SYT17: variants seen among roughly 807,000 people sequenced by gnomAD.
SYT17 encodes synaptotagmin 17.
A neutral mutation model predicts 46.7 loss-of-function variants in SYT17; 22 were observed. The observed-to-expected ratio is 0.47, with a 90% CI of 0.34 to 0.67. The LOEUF is 0.67. Ranked by LOEUF, SYT17 falls within the 30% of genes least tolerant of loss-of-function variation. SYT17 has a pLI of 0.01. For synonymous variants in SYT17, 251 were observed against 248.4 expected (o/e 1.01, Z -0.10); for missense variants, 519 against 612.8 (o/e 0.85, Z 1.62).
rs546667738 is a variant in SYT17, at chr16:19,254,037, A to G, written c.1229-12843A>G. On this transcript the variant is annotated intron_variant, in intron 7 of 7. Coordinates refer to ENST00000355377, the MANE Select transcript of SYT17 (RefSeq NM_016524.4). ...AACCACCGCACCCAGTCCTCTTTCA[A>G]TTCTTTATTTGTTCTTTTCAGGGAA... Among the ~76,000 whole-genome samples, 3 of 152,214 alleles carry G rather than the reference A, an allele frequency of 2.0e-5. No homozygotes were observed. The East Asian group carries it at 5.8e-4, about 29-fold the overall frequency.
intron 5 of SYT17, among the ~76,000 whole-genome samples, chr16:19,184,687 A>G (rs149111028): frequency 2.0e-5 from 3 of 152,094 alleles, no homozygotes; most frequent in Admixed American, 1.3e-4. Flanking sequence ...GTGAAAATTT[A>G]TCACATGTAT....
chr16:19,239,945 C>T lies in SYT17; in HGVS notation c.1228+15107C>T, dbSNP rs542398585. Among the ~76,000 whole-genome samples, 41 of 152,326 alleles carry T rather than the reference C, an allele frequency of 2.7e-4. No homozygotes were observed. The South Asian group carries it at 5.8e-3, about 22-fold the overall frequency. On this transcript the variant is annotated intron_variant, in intron 7 of 7. Coordinates refer to ENST00000355377, the MANE Select transcript of SYT17 (RefSeq NM_016524.4). Reference sequence around the variant, plus strand: ...CAGTTCCAGGTGCCAGCATGGGTGCCGGCTCACTGCGAGGCTGCGGCTGGA... The same window carrying T: ...CAGTTCCAGGTGCCAGCATGGGTGCTGGCTCACTGCGAGGCTGCGGCTGGA...
intron 7 of SYT17, among the ~76,000 whole-genome samples, chr16:19,249,274 A>AG (rs1474421144): frequency 4.9e-5 from 7 of 143,982 alleles, no homozygotes; most frequent in Admixed American, 2.1e-4. Flanking sequence ...ACGCCGTCTC[A>AG]AAAATAAATA....
In SYT17 at chr16:19,180,413, A is replaced by C. The variant is rs778481327; in HGVS notation, c.205A>C (p.Lys69Gln). ...TAGGATGGCCAGCCGGAGCAGTGAC[A>C]AGGATGGTGACTCTGTCCACACGGC... Reference protein sequence around the residue: ...PWLMASRSSDKDGDSVHTASE... With the variant: ...PWLMASRSSDQDGDSVHTASE... Residue 69 changes from lysine (K) to glutamine (Q), a missense_variant, in exon 4 of 8, where the codon AAG becomes CAG. Physicochemically the swap from Lys to Gln is moderately conservative, Grantham distance 53. Coordinates refer to ENST00000355377, the MANE Select transcript of SYT17 (RefSeq NM_016524.4). 3 of 1,614,132 alleles carry C rather than the reference A, an allele frequency of 1.9e-6. No homozygotes were observed. The highest frequency in any genetic ancestry group is 3.3e-4 in the Middle Eastern group (2 of 6,062).
At position 19,183,970 on chromosome 16, in the gene SYT17, G is replaced by A. The variant is rs1317586027; in HGVS notation, c.774G>A (p.Glu258=). The A allele has an allele frequency of 6.2e-7, 1 of 1,614,194 alleles. No individual in the cohort carries two copies. Among genetic ancestry groups the A allele is most frequent in the Non-Finnish European group, 8.5e-7 (1 of 1,180,044 alleles). Residue 258 remains glutamate, a synonymous_variant, in exon 5 of 8, where the codon GAG becomes GAA. Transcript: ENST00000355377. The surrounding 1 kb of genome is among the most constrained non-coding windows in gnomAD (Gnocchi z 5.6). ...KRKTQKPVFE[E]RYTFEIPFLE... ...AGACCCAGAAGCCCGTGTTTGAGGA[G>A]CGCTACACCTTCGAGATCCCCTTCC...
At chr16:19,254,090 A>G (rs1968386614) in intron 7 of SYT17, among the ~76,000 whole-genome samples, 1 of 152,132 alleles carries the variant, frequency 6.6e-6, no homozygotes, top group African/African-American at 2.4e-5. Flanking sequence ...GGAGAACATA[A>G]TAACTGCATG....
In SYT17 at chr16:19,195,868, G is replaced by A. The variant is rs138957245; in HGVS notation, c.951+11721G>A. Among the ~76,000 whole-genome samples, 409 of 152,112 alleles carry A rather than the reference G, an allele frequency of 2.7e-3. 2 individuals carry two copies. Among genetic ancestry groups the A allele is most frequent in the African/African-American group, 8.0e-3 (330 of 41,492 alleles). ...GATGTGGTGATGCACATCCACATTC[G>A]CAGCAACTCGGGAGGCTAAGGTGGG... On this transcript the variant is annotated intron_variant, in intron 5 of 7. Coordinates refer to ENST00000355377, the MANE Select transcript of SYT17 (RefSeq NM_016524.4).
intron 7 of SYT17, among the ~76,000 whole-genome samples, chr16:19,247,401 G>C (rs1967656872): frequency 6.6e-6 from 1 of 152,088 alleles, no homozygotes; most frequent in Non-Finnish European, 1.5e-5. Flanking sequence ...CATACATGTT[G>C]GTCAATTTTG....
intron 7 of SYT17, among the ~76,000 whole-genome samples, chr16:19,255,776 A>G (rs1968517958): frequency 6.6e-6 from 1 of 152,144 alleles, no homozygotes; most frequent in African/African-American, 2.4e-5. Flanking sequence ...CTCTCTTAAA[A>G]TAAAAATTAA....
intron 7 of SYT17, among the ~76,000 whole-genome samples, chr16:19,240,598 C>A (rs1967025995): frequency 6.6e-6 from 1 of 152,204 alleles, no homozygotes; most frequent in Non-Finnish European, 1.5e-5. Context: ...GGGAAAAGCA[C>A]CAGAGGTTTC....
rs532269846 is a variant in SYT17 at position 19,205,814 on chromosome 16, A to G, written c.952-17231A>G. Among the ~76,000 whole-genome samples, 3 of 152,292 alleles carry G rather than the reference A, an allele frequency of 2.0e-5. No homozygotes were observed. The East Asian group carries it at 5.8e-4, about 29-fold the overall frequency. ...TTTCCTTTTAAAGAGCAGCCCTATCACTTTCTATCCCCGATGCCAGCTTTG... is the reference window on the plus strand; with the variant it reads ...TTTCCTTTTAAAGAGCAGCCCTATCGCTTTCTATCCCCGATGCCAGCTTTG... On this transcript the variant is annotated intron_variant, in intron 5 of 7. Coordinates refer to ENST00000355377, the MANE Select transcript of SYT17 (RefSeq NM_016524.4).
chr16:19,216,845 T>G (rs573769739), intron 5 of SYT17, among the ~76,000 whole-genome samples: 1 of 152,340 alleles, frequency 6.6e-6, no homozygotes, highest in South Asian at 2.1e-4. Flanking sequence ...TAAACATACA[T>G]GTGCATGTGT....
chr16:19,183,277 C>T lies in SYT17; in HGVS notation c.332-251C>T, dbSNP rs1382915770. Reference sequence around the variant, plus strand: ...AGGGGATGTGAAGATTGTGATTGCACATATGCGATGATGTAGTGTACACAG... The same window carrying T: ...AGGGGATGTGAAGATTGTGATTGCATATATGCGATGATGTAGTGTACACAG... On this transcript the variant is annotated intron_variant, in intron 4 of 7. Transcript: ENST00000355377. This position sits in a 1 kb window ranked among gnomAD's most constrained non-coding sequence, Gnocchi z 5.6. Among the ~76,000 whole-genome samples, 1 of 152,222 alleles carries T rather than the reference C, an allele frequency of 6.6e-6. No homozygotes were observed. The highest frequency in any genetic ancestry group is 1.5e-5 in the Non-Finnish European group (1 of 68,046).
chr16:19,198,240 A>T (rs191659409), intron 5 of SYT17, among the ~76,000 whole-genome samples: 5 of 152,176 alleles, frequency 3.3e-5, no homozygotes, highest in Non-Finnish European at 5.9e-5. Flanking sequence ...CTAAAGATTT[A>T]CCACCACAAC....
intron 2 of SYT17, 108 bp from the exon 3 acceptor site, chr16:19,173,322 G>A (rs981168968): frequency 1.3e-5 from 9 of 702,630 alleles, no homozygotes; most frequent in African/African-American, 1.1e-4. Flanking sequence ...TTTCTCATCC[G>A]AGATCGGCTG....
rs1471513978 is a variant in SYT17, at chr16:19,267,710, G to T, written c.*634G>T. 6.6e-6 allele frequency: 1 copy of T among 152,246 alleles called. No individual in the cohort carries two copies. Among genetic ancestry groups the T allele is most frequent in the Admixed American group, 6.5e-5 (1 of 15,278 alleles). 9.4% of individuals were successfully genotyped at this position (152,246 alleles called of 1,614,324 possible). A position where few individuals can be genotyped will look rare whatever the true frequency, so the allele number is the denominator to read the frequency against. On this transcript the variant is annotated 3_prime_UTR_variant, in exon 8 of 8. Coordinates refer to ENST00000355377, the MANE Select transcript of SYT17 (RefSeq NM_016524.4). ...AAGCCTTTCCTGGCTTAACAGAATT[G>T]TTCTTGTGTTAGCTCATCCCAGGGA...
intron 5 of SYT17, among the ~76,000 whole-genome samples, chr16:19,202,298 C>T (rs924770822): frequency 6.6e-6 from 1 of 152,170 alleles, no homozygotes; most frequent in African/African-American, 2.4e-5. Context: ...GCTAGAAAGG[C>T]TCACAGAACT....
intron 7 of SYT17, among the ~76,000 whole-genome samples, chr16:19,232,936 T>C (rs1265203520): frequency 1.3e-5 from 2 of 152,170 alleles, no homozygotes; most frequent in Non-Finnish European, 2.9e-5. Context: ...TTAGTATTAC[T>C]CAGGGACTTT....
chr16:19,234,687 C>G (rs554750450), intron 7 of SYT17, among the ~76,000 whole-genome samples: 3 of 152,172 alleles, frequency 2.0e-5, no homozygotes. Flanking sequence ...GACACTGCCT[C>G]TCTGAGATCC....
Sources: allele counts gnomAD v4.1 joint callset (sites outside exome capture counted in the v4.1 genomes callset), GRCh38; gene constraint gnomAD v4.1.1; non-coding constraint Gnocchi (gnomAD v3.1); transcripts MANE v1.5; gene names NCBI Gene and HGNC (gene_info 2026-07-23, HGNC 2026-07-21).